Variants in OR2L13 observed in about 807,000 individuals in gnomAD.
OR2L13 encodes the protein olfactory receptor family 2 subfamily L member 13.
OR2L13 carries 14 observed loss-of-function variants against 15.3 expected under a neutral mutation model. The ratio of observed to expected loss-of-function variants is 0.91; its 90% CI spans 0.60 to 1.43. OR2L13 has a LOEUF of 1.43. Ranked by LOEUF, OR2L13 falls within the 40% of genes most tolerant of loss-of-function variation. OR2L13 has a pLI of 0.00. For missense variants in OR2L13, 367 were observed against 387.9 expected (o/e 0.95, Z 0.45); for synonymous variants, 152 against 142.9 (o/e 1.06, Z -0.45).
At chr1:247,961,900 C>T in the OR2L13 span, among the ~76,000 whole-genome samples, 3 of 152,150 alleles carry the variant, frequency 2.0e-5, no homozygotes, top group Non-Finnish European at 4.4e-5. Context: ...ATGAGCCACC[C>T]GATTTTTAAC....
chr1:247,968,118 C>T, the OR2L13 span, among the ~76,000 whole-genome samples: 18 of 151,916 alleles, frequency 1.2e-4, no homozygotes, highest in African/African-American at 3.9e-4. Flanking sequence ...GCTTTTTATT[C>T]ATCGCATAAA....
At chr1:247,944,937 A>AT in the OR2L13 span, among the ~76,000 whole-genome samples, 825 of 143,322 alleles carry the variant, frequency 5.8e-3, 9 homozygotes, top group African/African-American at 0.018. Context: ...TATTTTATTG[A>AT]TTTTTTTTTT....
upstream of OR2L13, among the ~76,000 whole-genome samples, chr1:248,092,472 C>A (rs114907887): frequency 9.2e-3 from 1,405 of 152,210 alleles, 28 homozygotes; most frequent in African/African-American, 0.032. Flanking sequence ...GGCAGGAAAA[C>A]AGTAAGAATA....
At chr1:247,996,493 A>T in the OR2L13 span, among the ~76,000 whole-genome samples, 3 of 152,190 alleles carry the variant, frequency 2.0e-5, no homozygotes, top group Non-Finnish European at 4.4e-5. Flanking sequence ...GAATAAACCA[A>T]GTTGTGGCCT....
chr1:248,033,659 C>T, the OR2L13 span, among the ~76,000 whole-genome samples: 2 of 147,740 alleles, frequency 1.4e-5, no homozygotes, highest in Non-Finnish European at 3.0e-5. Context: ...ACTGGCTGGT[C>T]TCAATGTTCT....
At chr1:248,067,801 G>A in the OR2L13 span, among the ~76,000 whole-genome samples, 7 of 152,208 alleles carry the variant, frequency 4.6e-5, no homozygotes, top group South Asian at 2.1e-4. Context: ...CGAATACTGC[G>A]CTTTTCCGAC....
chr1:248,028,980 A>C, the OR2L13 span: 4 of 152,210 alleles, frequency 2.6e-5, no homozygotes, highest in African/African-American at 9.6e-5. Context: ...CTTGCAAAAA[A>C]ATTCTTCGAC....
At chr1:248,035,049 C>T in the OR2L13 span, among the ~76,000 whole-genome samples, 1 of 149,738 alleles carries the variant, frequency 6.7e-6, no homozygotes, top group Admixed American at 6.7e-5. Flanking sequence ...TTTATCTTTC[C>T]CTTTTTTTTT....
the OR2L13 span, chr1:248,061,905 GA>G: frequency 7.9e-6 from 2 of 254,614 alleles, no homozygotes; most frequent in Non-Finnish European, 1.5e-5. Context: ...AAATAGAAAT[GA>G]AATTGGTCTA....
At chr1:248,099,363 G>T (rs751634135) in exon 3 of OR2L13, 1 of 1,564,110 alleles carries the variant, frequency 6.4e-7, no homozygotes, top group South Asian at 1.1e-5. Context: ...AACAGTTACA[G>T]CAGAAAGTTT....
the OR2L13 span, among the ~76,000 whole-genome samples, chr1:248,031,248 TAAC>T: frequency 2.0e-5 from 3 of 152,196 alleles, no homozygotes; most frequent in Non-Finnish European, 2.9e-5. Context: ...CTATTTTTTC[TAAC>T]AATAATATTA....
At chr1:248,007,514 G>C in the OR2L13 span, among the ~76,000 whole-genome samples, 1 of 152,188 alleles carries the variant, frequency 6.6e-6, no homozygotes, top group African/African-American at 2.4e-5. Flanking sequence ...ACTGTCATTT[G>C]CTACATTGTT....
At chr1:248,039,111 C>T in the OR2L13 span, 2 of 1,613,976 alleles carry the variant, frequency 1.2e-6, no homozygotes, top group East Asian at 2.2e-5. Context: ...CATCCTCACC[C>T]CAATGCTCAA....
the OR2L13 span, chr1:248,061,065 T>C: frequency 6.2e-7 from 1 of 1,614,168 alleles, no homozygotes. Flanking sequence ...TTTGCTTTCC[T>C]CTTCACTATC....
chr1:248,068,798 A>G, the OR2L13 span, among the ~76,000 whole-genome samples: 1 of 152,214 alleles, frequency 6.6e-6, no homozygotes, highest in Non-Finnish European at 1.5e-5. Context: ...TGGAGCTGAA[A>G]GCCAAGGCTC....
chr1:248,036,048 A>C, the OR2L13 span, among the ~76,000 whole-genome samples: 1 of 152,208 alleles, frequency 6.6e-6, no homozygotes, highest in Non-Finnish European at 1.5e-5. Flanking sequence ...GAAATATTTT[A>C]CTAAAAATAT....
the OR2L13 span, chr1:248,023,628 T>G: frequency 6.6e-6 from 1 of 152,204 alleles, no homozygotes; most frequent in Non-Finnish European, 1.5e-5. Flanking sequence ...AATCAGCAAG[T>G]CTATACATCT....
At chr1:247,990,935 C>T in the OR2L13 span, 2 of 1,470,468 alleles carry the variant, frequency 1.4e-6, no homozygotes, top group South Asian at 2.3e-5. Flanking sequence ...ATTCTCCTTG[C>T]TGTCTACCAC....
the OR2L13 span, among the ~76,000 whole-genome samples, chr1:247,938,366 A>G: frequency 2.6e-5 from 4 of 152,166 alleles, no homozygotes; most frequent in Admixed American, 2.6e-4. Flanking sequence ...TACAACTCAT[A>G]ATAATACCTA....
Sources: allele counts gnomAD v4.1 joint callset (sites outside exome capture counted in the v4.1 genomes callset), GRCh38; gene constraint gnomAD v4.1.1; transcripts MANE v1.5; gene names NCBI Gene and HGNC (gene_info 2026-07-23, HGNC 2026-07-21).